The following ZIM2 variants were observed in gnomAD, a reference collection of about 807,000 sequenced individuals.
ZIM2 encodes the protein zinc finger imprinted 2.
Under a neutral mutation model 38.6 loss-of-function variants are expected in ZIM2, and 14 were observed. The observed-to-expected ratio is 0.36, with a 90% confidence interval of 0.24 to 0.57. The LOEUF is 0.57. Among genes scored for constraint, ZIM2 ranks in the 20% least tolerant of loss-of-function variants. ZIM2 has a pLI of 0.81. For synonymous variants in ZIM2, 247 were observed against 245.8 expected (o/e 1.00, Z -0.04); for missense variants, 680 against 695.1 (o/e 0.98, Z 0.24).
intron 2 of ZIM2, among the ~76,000 whole-genome samples, chr19:56,831,804 T>C (rs1282757386): frequency 6.6e-6 from 1 of 152,226 alleles, no homozygotes; most frequent in Non-Finnish European, 1.5e-5. Flanking sequence ...CTGGTTAACT[T>C]TGTTGCTATT....
At chr19:56,815,465 T>C (rs1228967985) in intron 9 of ZIM2, 1 of 1,614,102 alleles carries the variant, frequency 6.2e-7, no homozygotes, top group Non-Finnish European at 8.5e-7. Flanking sequence ...GGCTTCTCCC[T>C]ATCATGAATC....
At chr19:56,833,531 C>G (rs780328491) in intron 2 of ZIM2, 9 of 254,300 alleles carry the variant, frequency 3.5e-5, no homozygotes, top group Admixed American at 5.1e-5. Context: ...TCCCTTCATC[C>G]AAATTCTCAG....
intron 9 of ZIM2, chr19:56,816,356 G>C (rs2146194017): frequency 2.5e-6 from 4 of 1,614,088 alleles, no homozygotes; most frequent in Non-Finnish European, 3.4e-6. Context: ...TCTGAGCTTT[G>C]CATGAAGGCA....
chr19:56,820,415 AT>A (rs1263435429), intron 7 of ZIM2, among the ~76,000 whole-genome samples: 4 of 152,188 alleles, frequency 2.6e-5, no homozygotes, highest in Non-Finnish European at 5.9e-5. Context: ...TTCTTCACAC[AT>A]TGTCAAGGAA....
chr19:56,838,483 G>T (rs2062474727), intron 1 of ZIM2, among the ~76,000 whole-genome samples: 1 of 152,180 alleles, frequency 6.6e-6, no homozygotes. Context: ...CGCCAGCAGG[G>T]CGCCTGCACA....
intron 9 of ZIM2, among the ~76,000 whole-genome samples, chr19:56,800,044 A>G (rs1444657874): frequency 6.6e-6 from 1 of 152,196 alleles, no homozygotes; most frequent in Non-Finnish European, 1.5e-5. Flanking sequence ...TTGGAGACTG[A>G]TTGATGAGGA....
rs776749398 is a variant in ZIM2, at chr19:56,817,541, G to C, written c.490+205C>G. ...GATTCATCTTCACAAATCCCCCGCC[G>C]GTGGGTTGATTTTTTGGCTTCAGGC... On this transcript the variant is annotated intron_variant, in intron 9 of 12. Coordinates refer to ENST00000629319, the MANE Select transcript of ZIM2 (RefSeq NM_001387356.1). 1.9e-6 allele frequency: 3 copies of C among 1,598,592 alleles called. No individual in the cohort carries two copies. The South Asian group carries it at 3.4e-5, about 18-fold the overall frequency.
At position 56,774,571 on chromosome 19, in the gene ZIM2, T is replaced by G. The variant is rs559384341; in HGVS notation, c.*117A>C. On this transcript the variant is annotated 3_prime_UTR_variant, in exon 13 of 13. Transcript: ENST00000629319. ...CTTTTTTTTTTTTTTTACCACACTT[T>G]GATGAATGTTCAAGTTGTTAACAAG... The G allele has an allele frequency of 2.4e-5, 34 of 1,440,664 alleles. 2 individuals carry two copies. In the South Asian group the frequency reaches 5.2e-4, roughly 22 times the overall value. 89.2% of individuals were successfully genotyped at this position (1,440,664 alleles called of 1,614,324 possible).
At chr19:56,815,910 T>G (rs1048362343) in intron 9 of ZIM2, 2 of 1,611,278 alleles carry the variant, frequency 1.2e-6, no homozygotes, top group African/African-American at 2.7e-5. Context: ...TGTGACTTCT[T>G]GGAGGTTTGG....
rs140141904 is a variant in ZIM2, at chr19:56,778,211, T to C, written c.835+1166A>G. On this transcript the variant is annotated intron_variant, in intron 12 of 12. Transcript: ENST00000629319. ...GAGATTTGTCTGTCTTATTCATTAT[T>C]GTATCCACAGATACTAGGACAGTAT... 5.4e-3 allele frequency among the ~76,000 whole-genome samples: 827 copies of C among 152,352 alleles called. 12 individuals carry two copies. The highest frequency in any genetic ancestry group is 0.019 in the African/African-American group (800 of 41,574).
chr19:56,829,614 A>AGG (rs2061389649), intron 2 of ZIM2, among the ~76,000 whole-genome samples: 1 of 152,230 alleles, frequency 6.6e-6, no homozygotes, highest in Non-Finnish European at 1.5e-5. Context: ...CTTCTCCTGC[A>AGG]GGGCTACCTG....
At chr19:56,785,970 A>C (rs1029357927) in intron 10 of ZIM2, among the ~76,000 whole-genome samples, 2 of 152,098 alleles carry the variant, frequency 1.3e-5, no homozygotes, top group Admixed American at 1.3e-4. Context: ...CACCCCAATA[A>C]ATTTCAGAAC....
At chr19:56,813,264 A>C (rs144170438) in intron 9 of ZIM2, 2 of 965,020 alleles carry the variant, frequency 2.1e-6, no homozygotes, top group South Asian at 9.4e-5. Context: ...CTGTAACTGT[A>C]TATCATATAA....
At position 56,823,573 on chromosome 19, in the gene ZIM2, T is replaced by G. The variant is rs776403611; in HGVS notation, c.106+17A>C. ...GCAGCGCCTGCCCATGGGTGACCAG[T>G]GGGGATGGGTACTCACCACTGAAAG... On this transcript the variant is annotated intron_variant, in intron 5 of 12. Transcript: ENST00000629319. 58 of 1,613,832 alleles carry G rather than the reference T, an allele frequency of 3.6e-5. No homozygotes were observed. Among genetic ancestry groups the G allele is most frequent in the East Asian group, 1.1e-4 (5 of 44,868 alleles).
rs559539131 is a variant in ZIM2, at chr19:56,804,997, G to A, written c.490+12749C>T. Among the ~76,000 whole-genome samples the A allele has an allele frequency of 6.6e-5, 10 of 152,330 alleles. No homozygotes were observed. In the South Asian group the frequency reaches 1.7e-3, roughly 25 times the overall value. ...TCACCAGGCTGGCATTTTCAGCTGCGAGGCATCAGAGTAGACTGGAGGGTT... is the reference window on the plus strand; with the variant it reads ...TCACCAGGCTGGCATTTTCAGCTGCAAGGCATCAGAGTAGACTGGAGGGTT... On this transcript the variant is annotated intron_variant, in intron 9 of 12. Transcript: ENST00000629319.
chr19:56,801,492 C>T lies in ZIM2; in HGVS notation c.491-11541G>A, dbSNP rs1374485968. Among the ~76,000 whole-genome samples the T allele has an allele frequency of 2.6e-5, 4 of 152,244 alleles. No individual in the cohort carries two copies. In the East Asian group the frequency reaches 7.7e-4, roughly 29 times the overall value. On this transcript the variant is annotated intron_variant, in intron 9 of 12. Coordinates refer to ENST00000629319, the MANE Select transcript of ZIM2 (RefSeq NM_001387356.1). ...ATAGAGATGTTTGCTGTACATTTTC[C>T]CTTCACAACTTCAGAGCTTTATAAC...
Position 56,775,045 on chromosome 19 carries a change from C to T in ZIM2, c.1320G>A (p.Glu440=). 6.2e-7 allele frequency: 1 copy of T among 1,614,134 alleles called. No homozygotes were observed. Among genetic ancestry groups the T allele is most frequent in the East Asian group, 2.2e-5 (1 of 44,874 alleles). The change falls in exon 13 of 13, where the codon GAG becomes GAA. Residue 440 remains glutamate, a synonymous_variant. Transcript: ENST00000629319. ...LCERVRIHSQ[E]DYFECFQCGK... The stretch of plus-strand genomic sequence containing the variant: ...CGCACTGAAAACATTCAAAGTAGTC[C>T]TCCTGACTGTGAATTCTTACACGTT...
intron 9 of ZIM2, among the ~76,000 whole-genome samples, chr19:56,791,517 TG>T (rs1333430974): frequency 6.6e-6 from 1 of 152,186 alleles, no homozygotes; most frequent in African/African-American, 2.4e-5. Flanking sequence ...ATGGCTCTCA[TG>T]GTTATTTTAA....
rs140365339 is a variant in ZIM2, at chr19:56,775,393, A to G, written c.972T>C (p.Asn324=). ...YGSDEFERSS[N]LSKQSKDPLG... ...GAGGATCCTTTGATTGTTTACTAAG[A>G]TTAGAGCTTCTCTCAAATTCATCAC... The change falls in exon 13 of 13, where the codon AAT becomes AAC. Residue 324 remains asparagine, a synonymous_variant. Transcript: ENST00000629319. The G allele has an allele frequency of 2.1e-4, 331 of 1,614,154 alleles. 1 individual carries two copies. The highest frequency in any genetic ancestry group is 4.4e-4 in the South Asian group (40 of 91,076).
Sources: allele counts gnomAD v4.1 joint callset (sites outside exome capture counted in the v4.1 genomes callset), GRCh38; gene constraint gnomAD v4.1.1; transcripts MANE v1.5; gene names NCBI Gene and HGNC (gene_info 2026-07-23, HGNC 2026-07-21).